The following NF1 variants were observed in gnomAD, a reference collection of about 807,000 sequenced individuals.
NF1 encodes the protein neurofibromin.
NF1 carries 122 observed loss-of-function variants against 325.7 expected under a neutral mutation model. The ratio of observed to expected loss-of-function variants is 0.37; its 90% CI spans 0.32 to 0.44. The LOEUF (loss-of-function observed/expected upper bound fraction) is 0.44. Among genes scored for constraint, NF1 ranks in the 20% least tolerant of loss-of-function variants. The probability of loss-of-function intolerance (pLI) is 1.00; values close to 1 mark genes in which losing one functional copy is unlikely to be tolerated. For synonymous variants in NF1, 1,091 were observed against 1,186.0 expected, an observed-to-expected ratio of 0.92 and a Z score of 1.65; for missense variants, 2,140 against 3,415.4, an observed-to-expected ratio of 0.63 and a Z score of 9.31.
At chr17:31,260,541 G>A (rs2151464954) in intron 34 of NF1, 26 bp downstream of exon 34, 1 of 1,612,708 alleles carries the variant, frequency 6.2e-7, no homozygotes, top group South Asian at 1.1e-5. Flanking sequence ...CATGGGGATA[G>A]TGAACACTCT....
At chr17:31,227,485 A>T (rs746961682) in intron 19 of NF1, 38 bp from the exon 20 acceptor site, 1 of 1,603,440 alleles carries the variant, frequency 6.2e-7, no homozygotes, top group African/African-American at 1.3e-5. Context: ...TTAGCTCTAG[A>T]CTAAGTTGCT....
intron 57 of NF1, among the ~76,000 whole-genome samples, chr17:31,367,756 C>A (rs1001615708): frequency 2.6e-5 from 4 of 152,112 alleles, no homozygotes; most frequent in African/African-American, 9.7e-5. Context: ...AATCACAGCA[C>A]TTTGGGAGGC....
At chr17:31,208,957 A>G (rs2066673422) in intron 12 of NF1, among the ~76,000 whole-genome samples, 1 of 152,142 alleles carries the variant, frequency 6.6e-6, no homozygotes, top group Non-Finnish European at 1.5e-5. Flanking sequence ...AGGCAAATAT[A>G]TATAATAAAT....
intron 1 of NF1, among the ~76,000 whole-genome samples, chr17:31,112,498 GTC>G (rs1669871105): frequency 6.6e-6 from 1 of 152,050 alleles, no homozygotes; most frequent in Non-Finnish European, 1.5e-5. Context: ...ATGAAGTGGT[GTC>G]TCATTGTGGT....
At chr17:31,299,273 TATA>T (rs2068525953) in intron 36 of NF1, among the ~76,000 whole-genome samples, 1 of 129,308 alleles carries the variant, frequency 7.7e-6, no homozygotes, top group African/African-American at 3.8e-5. Context: ...AAACTTAAAG[TATA>T]ATAAAAATAA....
intron 5 of NF1, among the ~76,000 whole-genome samples, chr17:31,175,162 G>A (rs1453949640): frequency 6.7e-6 from 1 of 149,996 alleles, no homozygotes; most frequent in African/African-American, 2.4e-5. Context: ...AATAATTAGG[G>A]ATACTATGGA....
chr17:31,255,674 A>G (rs1052617415), intron 31 of NF1, among the ~76,000 whole-genome samples: 7 of 152,154 alleles, frequency 4.6e-5, no homozygotes, highest in African/African-American at 1.7e-4. Context: ...GCTTTTGGGA[A>G]ATCACTCAGT....
rs762081710 is a variant in NF1 at position 31,343,038 on chromosome 17, G to A, written c.7092G>A (p.Arg2364=). 9.9e-6 allele frequency: 16 copies of A among 1,613,928 alleles called. No individual in the cohort carries two copies. In the Admixed American group the frequency reaches 1.0e-4, roughly 10 times the overall value. Residue 2364 remains arginine (R), a synonymous_variant, in exon 48 of 58, where the codon CGG becomes CGA. Transcript: ENST00000358273. ...CAGAGGAAGTATTTATGGCAATCCG[G>A]AATCCTCTGGAGTGGCACTGCAAGC... ...KSPEEVFMAI[R]NPLEWHCKQM... is the part of the protein sequence containing the mutation.
At chr17:31,198,833 G>T (rs2066478616) in intron 8 of NF1, among the ~76,000 whole-genome samples, 1 of 151,962 alleles carries the variant, frequency 6.6e-6, no homozygotes, top group Non-Finnish European at 1.5e-5. Context: ...TGATCAGGCT[G>T]GTCTTAAACT....
intron 36 of NF1, among the ~76,000 whole-genome samples, chr17:31,311,479 A>G (rs1217836233): frequency 6.6e-6 from 1 of 152,200 alleles, no homozygotes. Flanking sequence ...TAGCAGTAGT[A>G]TTATCTCTAA....
intron 8 of NF1, among the ~76,000 whole-genome samples, chr17:31,190,505 G>A (rs2066324499): frequency 6.6e-6 from 1 of 152,088 alleles, no homozygotes; most frequent in African/African-American, 2.4e-5. Context: ...CAAAATAGTT[G>A]ATAGAGATCT....
chr17:31,282,399 A>G (rs1352599848), intron 36 of NF1, among the ~76,000 whole-genome samples: 3 of 146,740 alleles, frequency 2.0e-5, no homozygotes, highest in Non-Finnish European at 4.5e-5. Context: ...AAAAAAAAAA[A>G]GTATACAATT....
At chr17:31,348,958 C>T (rs535369748) in intron 48 of NF1, among the ~76,000 whole-genome samples, 162 bp from the exon 49 acceptor site, 30 of 152,224 alleles carry the variant, frequency 2.0e-4, no homozygotes, top group Admixed American at 1.6e-3. Flanking sequence ...TATTCTCATT[C>T]ACATATGCAT....
chr17:31,284,992 G>T (rs1030965619), intron 36 of NF1, among the ~76,000 whole-genome samples: 1 of 151,934 alleles, frequency 6.6e-6, no homozygotes, highest in Non-Finnish European at 1.5e-5. Flanking sequence ...TGCTTTGCGC[G>T]CCTGTAATTC....
intron 31 of NF1, among the ~76,000 whole-genome samples, chr17:31,257,491 C>G (rs758774060): frequency 2.0e-5 from 3 of 152,112 alleles, no homozygotes; most frequent in Admixed American, 6.5e-5. Flanking sequence ...GCACTCTTCC[C>G]GAGCTAAGGT....
chr17:31,154,914 A>G (rs955965271), intron 1 of NF1, among the ~76,000 whole-genome samples: 21 of 151,328 alleles, frequency 1.4e-4, no homozygotes, highest in Admixed American at 1.3e-3. Flanking sequence ...TAATTTTTGT[A>G]TTTTTAGTAG....
At chr17:31,222,276 A>G in intron 15 of NF1, 3 of 1,052,458 alleles carry the variant, frequency 2.9e-6, no homozygotes, top group Non-Finnish European at 3.4e-6. Context: ...TTTTGTAACA[A>G]TACTGTTTTT....
At chr17:31,307,249 C>G (rs2068749028) in intron 36 of NF1, among the ~76,000 whole-genome samples, 1 of 151,870 alleles carries the variant, frequency 6.6e-6, no homozygotes. Flanking sequence ...CGAGAACTGA[C>G]CTCAGGTGAT....
intron 1 of NF1, among the ~76,000 whole-genome samples, chr17:31,100,289 A>G (rs1213637908): frequency 6.6e-6 from 1 of 152,178 alleles, no homozygotes; most frequent in Non-Finnish European, 1.5e-5. Flanking sequence ...CTTCGAAATT[A>G]CAAACCACAT....
Sources: gnomAD v4.1 joint callset for allele counts (sites outside exome capture counted in the v4.1 genomes callset) on GRCh38, gnomAD v4.1.1 for gene constraint, MANE v1.5 for transcripts, NCBI Gene and HGNC (gene_info 2026-07-23, HGNC 2026-07-21) for gene names.